The following RGS7 variants were observed in gnomAD, a reference collection of about 807,000 sequenced individuals.
RGS7 encodes regulator of G-protein signaling 7.
Under a neutral mutation model 81.1 loss-of-function variants are expected in RGS7, and 27 were observed. The ratio of observed to expected loss-of-function variants is 0.33; its 90% CI spans 0.25 to 0.46. The LOEUF (loss-of-function observed/expected upper bound fraction) is 0.46. Among genes scored for constraint, RGS7 ranks in the 20% least tolerant of loss-of-function variants. RGS7 has a pLI of 1.00. For missense variants in RGS7, 396 were observed against 607.4 expected, an observed-to-expected ratio of 0.65 and a Z score of 3.66; for synonymous variants, 208 against 207.7, an observed-to-expected ratio of 1.00 and a Z score of -0.01.
At chr1:241,351,543 A>T (rs1157129565) in intron 2 of RGS7, among the ~76,000 whole-genome samples, 1 of 152,198 alleles carries the variant, frequency 6.6e-6, no homozygotes, top group East Asian at 1.9e-4. Flanking sequence ...ACAAGTAACA[A>T]GGCTGGCATC....
intron 18 of RGS7, among the ~76,000 whole-genome samples, chr1:240,794,691 A>C (rs990987530): frequency 2.6e-5 from 4 of 152,178 alleles, no homozygotes; most frequent in African/African-American, 9.6e-5. Flanking sequence ...GGGACTGCCC[A>C]AGTAGATTTG....
intron 3 of RGS7, among the ~76,000 whole-genome samples, chr1:241,090,926 T>C (rs899132302): frequency 6.6e-6 from 1 of 152,136 alleles, no homozygotes; most frequent in Non-Finnish European, 1.5e-5. Context: ...AATTCTGACA[T>C]GCGTGTGCTT....
chr1:241,128,130 T>C (rs2066803005), intron 2 of RGS7, among the ~76,000 whole-genome samples: 1 of 151,560 alleles, frequency 6.6e-6, no homozygotes, highest in Non-Finnish European at 1.5e-5. Context: ...TACAAAAAAT[T>C]AGCCGGGCGT....
chr1:241,191,303 ATTT>A (rs573102829), intron 2 of RGS7, among the ~76,000 whole-genome samples: 1 of 151,922 alleles, frequency 6.6e-6, no homozygotes. Context: ...TTTTATGAGA[ATTT>A]TTTTATCATA....
chr1:241,188,314 A>ACACACACAC (rs1280456391), intron 2 of RGS7, among the ~76,000 whole-genome samples: 1 of 142,620 alleles, frequency 7.0e-6, no homozygotes, highest in African/African-American at 2.6e-5. Context: ...CACACACACA[A>ACACACACAC]AAAGAGACAG....
At chr1:240,943,638 G>C (rs1251338445) in intron 4 of RGS7, among the ~76,000 whole-genome samples, 1 of 152,138 alleles carries the variant, frequency 6.6e-6, no homozygotes, top group Non-Finnish European at 1.5e-5. Context: ...TTTGTGGGCT[G>C]AAATATGCCT....
intron 2 of RGS7, among the ~76,000 whole-genome samples, chr1:241,351,296 G>A (rs925707508): frequency 6.6e-5 from 10 of 152,222 alleles, no homozygotes; most frequent in Non-Finnish European, 1.5e-4. Context: ...GCACCCACCT[G>A]TAGTCCCAGC....
intron 13 of RGS7, among the ~76,000 whole-genome samples, chr1:240,812,942 G>A (rs1013043181): frequency 3.3e-5 from 5 of 152,162 alleles, no homozygotes; most frequent in Non-Finnish European, 7.3e-5. Context: ...TTCTGGGCAT[G>A]TCCAGTGTTT....
chr1:240,972,735 C>A (rs1317314909), intron 4 of RGS7, among the ~76,000 whole-genome samples: 1 of 144,766 alleles, frequency 6.9e-6, no homozygotes, highest in African/African-American at 2.6e-5. Flanking sequence ...CAAAAAGGTG[C>A]AGGAGTCTGG....
intron 3 of RGS7, among the ~76,000 whole-genome samples, chr1:241,064,382 T>C (rs1229214837): frequency 7.0e-6 from 1 of 142,030 alleles, no homozygotes; most frequent in African/African-American, 2.7e-5. Context: ...GCCCAGGAAT[T>C]GGAGAACAGC....
chr1:240,823,019 T>G (rs374772497), intron 10 of RGS7: 3 of 548,572 alleles, frequency 5.5e-6, no homozygotes, highest in South Asian at 2.1e-5. Context: ...GAAATTGTCT[T>G]GAGTTTCAAA....
chr1:241,148,051 C>CTTTTTTTTTTT (rs58632066), intron 2 of RGS7, among the ~76,000 whole-genome samples: 30 of 108,488 alleles, frequency 2.8e-4, no homozygotes, highest in Non-Finnish European at 3.5e-4. Context: ...TTTTCTTTTT[C>CTTTTTTTTTTT]TTTTTTTTTT....
At chr1:240,896,211 C>T (rs139604918) in intron 6 of RGS7, among the ~76,000 whole-genome samples, 14 of 152,052 alleles carry the variant, frequency 9.2e-5, no homozygotes, top group Middle Eastern at 3.4e-3. Flanking sequence ...AGATTGTAAA[C>T]ATTTTCTCCC....
intron 4 of RGS7, among the ~76,000 whole-genome samples, chr1:240,972,174 C>A (rs1029601597): frequency 3.9e-5 from 6 of 152,166 alleles, no homozygotes; most frequent in African/African-American, 1.4e-4. Flanking sequence ...CCATGCCTCT[C>A]TTATGGTTGC....
intron 2 of RGS7, among the ~76,000 whole-genome samples, chr1:241,286,876 C>G (rs533778554): frequency 6.6e-6 from 1 of 152,306 alleles, no homozygotes; most frequent in Admixed American, 6.5e-5. Flanking sequence ...CTACAATCAA[C>G]AAGGGACATC....
intron 3 of RGS7, among the ~76,000 whole-genome samples, chr1:241,077,859 C>T (rs1031700373): frequency 2.6e-5 from 4 of 152,078 alleles, no homozygotes; most frequent in Admixed American, 6.6e-5. Context: ...AAGTCTCTTA[C>T]CGGGGTGACT....
chr1:241,091,802 G>C (rs1375934310), intron 3 of RGS7, among the ~76,000 whole-genome samples: 1 of 151,980 alleles, frequency 6.6e-6, no homozygotes, highest in Non-Finnish European at 1.5e-5. Flanking sequence ...CAGGAAGATT[G>C]CTTGAGCCCA....
chr1:241,356,418 C>A (rs2083574571), intron 1 of RGS7, among the ~76,000 whole-genome samples: 1 of 152,202 alleles, frequency 6.6e-6, no homozygotes, highest in Non-Finnish European at 1.5e-5. Flanking sequence ...TGCCAGCCAC[C>A]GGCTGCTCTC....
intron 3 of RGS7, among the ~76,000 whole-genome samples, chr1:241,083,751 C>G (rs115297171): frequency 6.6e-6 from 1 of 151,938 alleles, no homozygotes; most frequent in African/African-American, 2.4e-5. Context: ...CTTGAATTTT[C>G]TCTGGGATGT....
Sources: allele counts gnomAD v4.1 joint callset (sites outside exome capture counted in the v4.1 genomes callset), GRCh38; gene constraint gnomAD v4.1.1; transcripts MANE v1.5; gene names NCBI Gene and HGNC (gene_info 2026-07-23, HGNC 2026-07-21).